The following PTCHD4 variants were observed in gnomAD, a reference collection of about 807,000 sequenced individuals.
PTCHD4 encodes patched domain containing 4, also known as patched domain-containing protein 4.
Under a neutral mutation model 58.1 loss-of-function variants are expected in PTCHD4, and 33 were observed. That is an observed-to-expected ratio of 0.57 (90% CI 0.43 to 0.76). PTCHD4 has a LOEUF of 0.76. Ranked by LOEUF, PTCHD4 falls within the 30% of genes least tolerant of loss-of-function variation. The pLI is 0.00. For synonymous variants in PTCHD4, 478 were observed against 409.6 expected (o/e 1.17, Z -2.02); for missense variants, 1,058 against 1,027.1 (o/e 1.03, Z -0.41).
chr6:47,901,295 A>G (rs1764693371), intron 4 of PTCHD4: 1 of 287,624 alleles, frequency 3.5e-6, no homozygotes, highest in South Asian at 1.4e-4. Context: ...TAAAGTTATT[A>G]ACCTGTAGTT....
At chr6:48,037,432 C>T (rs1400455127) in intron 3 of PTCHD4, among the ~76,000 whole-genome samples, 1 of 152,148 alleles carries the variant, frequency 6.6e-6, no homozygotes, top group Admixed American at 6.6e-5. Flanking sequence ...AGTTGACATG[C>T]TTACACCGAA....
At chr6:47,968,056 G>A (rs867196209) in intron 4 of PTCHD4, among the ~76,000 whole-genome samples, 20 of 152,038 alleles carry the variant, frequency 1.3e-4, no homozygotes, top group South Asian at 4.1e-4. Context: ...CTTACCTCTC[G>A]TTTTGTTTCT....
At chr6:48,091,344 G>A (rs1193570780) in intron 1 of PTCHD4, among the ~76,000 whole-genome samples, 3 of 151,998 alleles carry the variant, frequency 2.0e-5, no homozygotes, top group African/African-American at 7.2e-5. Context: ...CATAGTAGTA[G>A]TATTCAAAAT....
At chr6:48,067,773 A>G (rs1764848156) in intron 3 of PTCHD4, among the ~76,000 whole-genome samples, 1 of 152,078 alleles carries the variant, frequency 6.6e-6, no homozygotes. Context: ...TTAACCCTGA[A>G]CAAAGATGTA....
intron 4 of PTCHD4, among the ~76,000 whole-genome samples, chr6:47,998,569 T>G (rs1036205851): frequency 7.9e-5 from 12 of 152,178 alleles, no homozygotes; most frequent in Admixed American, 7.2e-4. Flanking sequence ...CAGTAAAAAG[T>G]GCAAGAGACG....
chr6:47,996,083 AT>A (rs1359993160), intron 4 of PTCHD4, among the ~76,000 whole-genome samples: 2 of 152,064 alleles, frequency 1.3e-5, no homozygotes, highest in Non-Finnish European at 2.9e-5. Flanking sequence ...ACTTTTATAT[AT>A]TTTTTTCGTT....
intron 4 of PTCHD4, among the ~76,000 whole-genome samples, chr6:47,953,706 G>T (rs1046574830): frequency 1.3e-5 from 2 of 152,126 alleles, no homozygotes; most frequent in Admixed American, 6.6e-5. Context: ...AAGAGTATTT[G>T]GGTGATGTAT....
At chr6:47,901,777 T>TGAC in intron 4 of PTCHD4, 8 of 1,236,786 alleles carry the variant, frequency 6.5e-6, no homozygotes, top group Non-Finnish European at 8.3e-6. Context: ...ATGATGATGA[T>TGAC]GACGATGATG....
In PTCHD4 at chr6:47,969,625, C is replaced by T. The variant is rs1441463784; in HGVS notation, c.898+39009G>A. ...GGCATAAAATTCTTTAAAAAATGAC[C>T]CCCCCCAAAAAATAAAATTGCATAA... On this transcript the variant is annotated intron_variant, in intron 4 of 4. Coordinates refer to ENST00000339488, the MANE Select transcript of PTCHD4 (RefSeq NM_001384253.1). Among the ~76,000 whole-genome samples, 4 of 151,598 alleles carry T rather than the reference C, an allele frequency of 2.6e-5. No homozygotes were observed. The East Asian group carries it at 5.8e-4, about 22-fold the overall frequency.
intron 3 of PTCHD4, among the ~76,000 whole-genome samples, chr6:48,054,016 T>C (rs1355318645): frequency 6.6e-6 from 1 of 152,092 alleles, no homozygotes; most frequent in Non-Finnish European, 1.5e-5. Context: ...GATAGGGGGA[T>C]CTTTCTTCGG....
chr6:47,950,467 AT>A (rs1766599875), intron 4 of PTCHD4, among the ~76,000 whole-genome samples: 1 of 152,200 alleles, frequency 6.6e-6, no homozygotes, highest in Non-Finnish European at 1.5e-5. Context: ...AAAAGGTTAC[AT>A]AGATATTGGA....
At chr6:48,086,584 T>C (rs759138256) in intron 1 of PTCHD4, among the ~76,000 whole-genome samples, 3 of 152,110 alleles carry the variant, frequency 2.0e-5, no homozygotes, top group Non-Finnish European at 1.5e-5. Context: ...AAGGAGAAGA[T>C]ATACTCACTT....
chr6:48,087,392 C>A (rs1765284440), intron 1 of PTCHD4, among the ~76,000 whole-genome samples: 1 of 152,060 alleles, frequency 6.6e-6, no homozygotes, highest in Admixed American at 6.6e-5. Flanking sequence ...AATAAAATAA[C>A]AAATTTCATA....
At position 47,866,088 on chromosome 6, in the gene PTCHD4, A is replaced by G. The variant is rs116932893; in HGVS notation, c.*12215T>C. On this transcript the variant is annotated 3_prime_UTR_variant, in exon 5 of 5. Transcript: ENST00000339488. ...CATACCAGGTTTGGCTCTACTAGAA[A>G]TCATCTCTCTACCCTCTGGATATCT... Among the ~76,000 whole-genome samples, 300 of 152,020 alleles carry G rather than the reference A, an allele frequency of 2.0e-3. 9 individuals carry two copies. In the East Asian group the frequency reaches 0.054, roughly 27 times the overall value.
intron 1 of PTCHD4, among the ~76,000 whole-genome samples, chr6:48,098,045 G>C (rs932482082): frequency 6.6e-6 from 1 of 152,132 alleles, no homozygotes; most frequent in African/African-American, 2.4e-5. Context: ...CACGGCCTCA[G>C]TAAGAAGGGC....
At chr6:48,095,606 C>T (rs1157630042) in intron 1 of PTCHD4, among the ~76,000 whole-genome samples, 1 of 151,802 alleles carries the variant, frequency 6.6e-6, no homozygotes, top group South Asian at 2.1e-4. Flanking sequence ...AGGAGAATGG[C>T]TGAACCCGGG....
chr6:47,898,019 A>G (rs906185060), intron 4 of PTCHD4, among the ~76,000 whole-genome samples: 1 of 130,150 alleles, frequency 7.7e-6, no homozygotes. Flanking sequence ...ATCTTGGCTC[A>G]CTGCACCCTC....
chr6:48,090,569 C>G (rs1701171391), intron 1 of PTCHD4, among the ~76,000 whole-genome samples: 1 of 151,932 alleles, frequency 6.6e-6, no homozygotes. Flanking sequence ...ATGATTTTTT[C>G]TACACTAGGC....
intron 4 of PTCHD4, among the ~76,000 whole-genome samples, chr6:47,893,289 G>A (rs1038387727): frequency 1.1e-4 from 17 of 152,078 alleles, no homozygotes; most frequent in Non-Finnish European, 2.2e-4. Context: ...GATTACAGGC[G>A]CGAGCCACAA....
Sources: gnomAD v4.1 joint callset for allele counts (sites outside exome capture counted in the v4.1 genomes callset) on GRCh38, gnomAD v4.1.1 for gene constraint, MANE v1.5 for transcripts, NCBI Gene and HGNC (gene_info 2026-07-23, HGNC 2026-07-21) for gene names.